The following CASK variants were observed in gnomAD, a reference collection of about 807,000 sequenced individuals.
The protein encoded by CASK is peripheral plasma membrane protein CASK.
Under a neutral mutation model 82.9 loss-of-function variants are expected in CASK, and 4 were observed. That is an observed-to-expected ratio of 0.05 (90% confidence interval 0.02 to 0.11). The LOEUF (loss-of-function observed/expected upper bound fraction) is 0.11. Among genes scored for constraint, CASK ranks in the 10% least tolerant of loss-of-function variants. The pLI is 1.00. For synonymous variants in CASK, 259 were observed against 253.5 expected (o/e 1.02, Z -0.20); for missense variants, 358 against 720.9 (o/e 0.50, Z 5.76).
chrX:41,808,861 T>C (rs182212384), intron 2 of CASK, among the ~76,000 whole-genome samples: 81 of 112,461 alleles, frequency 7.2e-4, no homozygotes, highest in Non-Finnish European at 1.1e-3. Flanking sequence ...GAAAATCGCG[T>C]CACTCTCACC....
chrX:41,576,967 C>A (rs1292163875), intron 15 of CASK, among the ~76,000 whole-genome samples: 1 of 112,353 alleles, frequency 8.9e-6, no homozygotes, highest in African/African-American at 3.2e-5. Context: ...CTCCAAAAAT[C>A]ATGGTCATAG....
chrX:41,700,544 A>G (rs1203449749), intron 5 of CASK, among the ~76,000 whole-genome samples: 1 of 107,110 alleles, frequency 9.3e-6, no homozygotes, highest in African/African-American at 3.4e-5. Context: ...CAGATCCTAG[A>G]TGATATATGA....
At chrX:41,521,024 C>G (rs927388325) in intron 26 of CASK, among the ~76,000 whole-genome samples, 12 of 112,221 alleles carry the variant, frequency 1.1e-4, no homozygotes, top group Admixed American at 9.4e-5. Flanking sequence ...GCTACGGTGG[C>G]AAGGCTGGAG....
intron 2 of CASK, among the ~76,000 whole-genome samples, chrX:41,808,713 G>A (rs777848225): frequency 1.8e-5 from 2 of 112,135 alleles, no homozygotes; most frequent in African/African-American, 6.5e-5. Flanking sequence ...GGGGCTTGTC[G>A]GACAGTGGGT....
rs2064587153 is a variant in CASK, at chrX:41,518,208, T to C, written c.*2212A>G. On this transcript the variant is annotated 3_prime_UTR_variant, in exon 27 of 27. Transcript: ENST00000378163. ...CAAGTGGGGGCGTGGGGGTTTCCAC[T>C]AGAGGGAGGGAAGTTTCTGTTTCCC... 1 of 125,539 alleles carries C rather than the reference T, an allele frequency of 8.0e-6. No individual in the cohort carries two copies. Among genetic ancestry groups the C allele is most frequent in the Non-Finnish European group, 1.6e-5 (1 of 61,949 alleles). 10.3% of individuals were successfully genotyped at this position (125,539 alleles called of 1,213,427 possible). A position where few individuals can be genotyped will look rare whatever the true frequency, so the allele number is the denominator to read the frequency against.
At chrX:41,854,635 C>T (rs1437778363) in intron 1 of CASK, among the ~76,000 whole-genome samples, 7 of 112,045 alleles carry the variant, frequency 6.2e-5, no homozygotes, top group Admixed American at 9.4e-5. Context: ...AACTACAGGA[C>T]GAACTACTAA....
At chrX:41,739,271 A>C (rs1166417419) in intron 5 of CASK, 113 bp downstream of exon 5, 14 of 533,947 alleles carry the variant, frequency 2.6e-5, no homozygotes, top group Non-Finnish European at 4.2e-5. Flanking sequence ...ATTTTTACTT[A>C]GAAGTAAAAT....
chrX:41,700,436 T>G (rs184479916), intron 5 of CASK, among the ~76,000 whole-genome samples: 1 of 110,959 alleles, frequency 9.0e-6, no homozygotes, highest in Non-Finnish European at 1.9e-5. Flanking sequence ...TAATACTTTA[T>G]CAGATATTAA....
chrX:41,596,188 C>T (rs1176068904), intron 12 of CASK, among the ~76,000 whole-genome samples: 3 of 88,086 alleles, frequency 3.4e-5, no homozygotes, highest in Non-Finnish European at 7.0e-5. Context: ...GAGTGAGACT[C>T]TGTCTCAAAA....
At chrX:41,888,713 ATATG>A (rs2072096951) in intron 1 of CASK, among the ~76,000 whole-genome samples, 2 of 105,104 alleles carry the variant, frequency 1.9e-5, no homozygotes, top group Admixed American at 1.1e-4. Context: ...GTATATATGT[ATATG>A]TATGTGAATA....
chrX:41,665,710 C>A (rs1247696121), intron 6 of CASK: 2 of 388,646 alleles, frequency 5.1e-6, no homozygotes, highest in East Asian at 8.3e-5. Context: ...CTGCATGCTA[C>A]GTAGTAGGTA....
At chrX:41,608,343 C>T (rs1173955122) in intron 12 of CASK, among the ~76,000 whole-genome samples, 1 of 112,222 alleles carries the variant, frequency 8.9e-6, no homozygotes, top group Non-Finnish European at 1.9e-5. Flanking sequence ...CTTATTTAGT[C>T]AATAAATAAT....
chrX:41,635,501 G>GT (rs1424158928), intron 9 of CASK, among the ~76,000 whole-genome samples: 1 of 111,726 alleles, frequency 9.0e-6, no homozygotes, highest in Non-Finnish European at 1.9e-5. Flanking sequence ...AGTATCAAAA[G>GT]TAAGTCAAAC....
At position 41,752,795 on chromosome X, in the gene CASK, C is replaced by T. The variant is rs141712731; in HGVS notation, c.279-7194G>A. On this transcript the variant is annotated intron_variant, in intron 3 of 26. Coordinates refer to ENST00000378163, the MANE Select transcript of CASK (RefSeq NM_001367721.1). ...ATACACAACTTGGCACTGGAGAAAC[C>T]TTGCTTAAAGTAGGTAATCTACTAT... is the stretch of plus-strand genomic sequence containing the variant. Among the ~76,000 whole-genome samples, 76 of 111,894 alleles carry T rather than the reference C, an allele frequency of 6.8e-4. 1 individual carries two copies. The East Asian group carries it at 0.02, about 30-fold the overall frequency.
At chrX:41,784,932 T>G (rs925916206) in intron 3 of CASK, among the ~76,000 whole-genome samples, 1 of 110,146 alleles carries the variant, frequency 9.1e-6, no homozygotes, top group African/African-American at 3.3e-5. Flanking sequence ...GAGAATTATA[T>G]TCTCACAATA....
intron 5 of CASK, among the ~76,000 whole-genome samples, chrX:41,677,624 G>A (rs1327571226): frequency 8.9e-6 from 1 of 112,120 alleles, no homozygotes; most frequent in Non-Finnish European, 1.9e-5. Context: ...AGGTTCAGGA[G>A]AGAATGGGAG....
intron 5 of CASK, among the ~76,000 whole-genome samples, chrX:41,739,058 C>A: frequency 9.0e-6 from 1 of 111,252 alleles, no homozygotes; most frequent in East Asian, 2.8e-4. Context: ...TTCTAATTTC[C>A]CCCCCAATTA....
chrX:41,764,976 T>C (rs34736295), intron 3 of CASK, among the ~76,000 whole-genome samples: 9,217 of 112,139 alleles, frequency 0.082, 384 homozygotes, highest in Non-Finnish European at 0.13. Context: ...GAAATATGAA[T>C]AGCTTTAGTA....
At chrX:41,765,690 T>C (rs1416041948) in intron 3 of CASK, among the ~76,000 whole-genome samples, 1 of 111,565 alleles carries the variant, frequency 9.0e-6, no homozygotes, top group Non-Finnish European at 1.9e-5. Context: ...CATATACATA[T>C]CTTCTCATAT....
Sources: gnomAD v4.1 joint callset for allele counts (sites outside exome capture counted in the v4.1 genomes callset) on GRCh38, gnomAD v4.1.1 for gene constraint, MANE v1.5 for transcripts, NCBI Gene and HGNC (gene_info 2026-07-23, HGNC 2026-07-21) for gene names.